ZMYND8: variants seen among roughly 807,000 people sequenced by gnomAD.
ZMYND8 encodes the protein zinc finger MYND-type containing 8.
In ZMYND8, 37 loss-of-function variants were observed where a neutral mutation model predicts 140.8. That is an observed-to-expected ratio of 0.26 (90% CI 0.20 to 0.35). The LOEUF (loss-of-function observed/expected upper bound fraction) is 0.35, where lower values mean the gene tolerates loss of function less well. Among genes scored for constraint, ZMYND8 ranks in the 10% least tolerant of loss-of-function variants. The probability of loss-of-function intolerance (pLI) is 1.00; values close to 1 mark genes in which losing one functional copy is unlikely to be tolerated. For missense variants in ZMYND8, 1,068 were observed against 1,570.0 expected, an observed-to-expected ratio of 0.68 and a Z score of 5.40; for synonymous variants, 592 against 597.1, an observed-to-expected ratio of 0.99 and a Z score of 0.12.
chr20:47,246,633 G>A (rs771490660), intron 13 of ZMYND8, 116 bp from the exon 14 acceptor site: 20 of 1,396,576 alleles, frequency 1.4e-5, no homozygotes, highest in African/African-American at 1.0e-4. Flanking sequence ...GTTTCAAATC[G>A]CATCACATTG....
chr20:47,221,501 C>T, intron 19 of ZMYND8, 27 bp from the exon 20 acceptor site: 1 of 1,610,688 alleles, frequency 6.2e-7, no homozygotes, highest in Non-Finnish European at 8.5e-7. Context: ...GAGAGAGACG[C>T]CACATATACA....
At chr20:47,313,346 G>A (rs1183067189) in intron 2 of ZMYND8, among the ~76,000 whole-genome samples, 2 of 152,152 alleles carry the variant, frequency 1.3e-5, no homozygotes, top group Non-Finnish European at 2.9e-5. Context: ...CTGGAGGCCG[G>A]GCGCAGTGGC....
At chr20:47,248,938 C>T (rs2073947116) in intron 13 of ZMYND8, among the ~76,000 whole-genome samples, 1 of 151,294 alleles carries the variant, frequency 6.6e-6, no homozygotes, top group African/African-American at 2.4e-5. Flanking sequence ...ACCTACAGAA[C>T]ACACTCACTA....
intron 8 of ZMYND8, among the ~76,000 whole-genome samples, chr20:47,284,000 G>A (rs932357645): frequency 6.6e-6 from 1 of 151,806 alleles, no homozygotes; most frequent in Non-Finnish European, 1.5e-5. Flanking sequence ...TGGGCTCATT[G>A]CAACTTTCGC....
Position 47,271,715 on chromosome 20 carries a change from C to T in ZMYND8, c.1480+4599G>A, listed in dbSNP as rs1216321913. On this transcript the variant is annotated intron_variant, in intron 11 of 22. Coordinates refer to ENST00000471951, the MANE Select transcript of ZMYND8 (RefSeq NM_001281775.3). ...TGATCGATTGAGATGGAGTCTCGCTCTGTCTCCCAGGCTGGAGTACAGTGG... is the reference window on the plus strand; with the variant it reads ...TGATCGATTGAGATGGAGTCTCGCTTTGTCTCCCAGGCTGGAGTACAGTGG... 3.3e-5 allele frequency among the ~76,000 whole-genome samples: 5 copies of T among 152,260 alleles called. No individual in the cohort carries two copies. In the South Asian group the frequency reaches 1.0e-3, roughly 31 times the overall value.
chr20:47,285,636 T>G lies in ZMYND8; in HGVS notation c.804+1593A>C, dbSNP rs114177022. 1.2e-4 allele frequency: 116 copies of G among 960,748 alleles called. No individual in the cohort carries two copies. In the African/African-American group the frequency reaches 2.0e-3, roughly 16 times the overall value. 59.5% of individuals were successfully genotyped at this position (960,748 alleles called of 1,614,324 possible). On this transcript the variant is annotated intron_variant, in intron 8 of 22. Transcript: ENST00000471951. ...ATCTGACATGTTCACAGCCTCATAG[T>G]AGTTTTATTCCTAAAAATTAAACTA...
chr20:47,350,342 A>C (rs1453122659), intron 1 of ZMYND8, among the ~76,000 whole-genome samples: 6 of 151,486 alleles, frequency 4.0e-5, no homozygotes, highest in African/African-American at 7.2e-5. Flanking sequence ...AAAAAAAAAA[A>C]AAAAAAAAAA....
intron 16 of ZMYND8, among the ~76,000 whole-genome samples, chr20:47,232,478 G>A (rs2038635022): frequency 6.6e-6 from 1 of 152,080 alleles, no homozygotes; most frequent in Admixed American, 6.5e-5. Flanking sequence ...AGGGTCGCTT[G>A]AACCCAGGAG....
intron 2 of ZMYND8, among the ~76,000 whole-genome samples, chr20:47,325,969 AT>A (rs1207087392): frequency 6.6e-6 from 1 of 150,554 alleles, no homozygotes; most frequent in African/African-American, 2.5e-5. Context: ...TTATCTATTT[AT>A]TTTTTTGAGA....
Position 47,221,382 on chromosome 20 carries a change from G to A in ZMYND8, c.3349C>T (p.Pro1117Ser), listed in dbSNP as rs2036915533. 3 of 1,614,214 alleles carry A rather than the reference G, an allele frequency of 1.9e-6. No homozygotes were observed. The highest frequency in any genetic ancestry group is 1.7e-6 in the Non-Finnish European group (2 of 1,180,042). Residue 1117 changes from proline (P) to serine (S), a missense_variant, in exon 20 of 23, where the codon CCT becomes TCT. Coordinates refer to ENST00000471951, the MANE Select transcript of ZMYND8 (RefSeq NM_001281775.3). ...QGSSSSTQSA[P>S]SETASASKEK... The stretch of plus-strand genomic sequence containing the variant: ...TTGGAGGCGCTGGCCGTTTCTGAAG[G>A]TGCTGATTGTGTGCTCGAGGAGCTC...
chr20:47,327,813 GTTTT>G (rs1315000245), intron 2 of ZMYND8, among the ~76,000 whole-genome samples: 1 of 152,088 alleles, frequency 6.6e-6, no homozygotes, highest in Admixed American at 6.6e-5. Context: ...ATAACTTATT[GTTTT>G]TTTGTTTGTT....
chr20:47,240,477 G>T (rs1331639591), intron 14 of ZMYND8, among the ~76,000 whole-genome samples: 3 of 151,160 alleles, frequency 2.0e-5, no homozygotes, highest in Non-Finnish European at 4.4e-5. Flanking sequence ...CCATGCCATT[G>T]CACTCCAGCC....
intron 11 of ZMYND8, among the ~76,000 whole-genome samples, chr20:47,272,499 C>T (rs982956264): frequency 3.9e-5 from 6 of 152,146 alleles, no homozygotes; most frequent in Admixed American, 6.5e-5. Flanking sequence ...TAACTTACAT[C>T]GAGATCGCGC....
intron 5 of ZMYND8, among the ~76,000 whole-genome samples, chr20:47,292,302 G>A (rs1316408720): frequency 6.6e-6 from 1 of 151,966 alleles, no homozygotes; most frequent in African/African-American, 2.4e-5. Flanking sequence ...AATTCTATGG[G>A]GCTGACAAAT....
At chr20:47,309,823 C>T (rs2078784146) in intron 3 of ZMYND8, among the ~76,000 whole-genome samples, 3 of 150,654 alleles carry the variant, frequency 2.0e-5, no homozygotes, top group Admixed American at 2.0e-4. Flanking sequence ...GAATTATATA[C>T]CCTCATCTCA....
chr20:47,239,713 G>GT (rs2039707533), intron 14 of ZMYND8, among the ~76,000 whole-genome samples: 1 of 152,130 alleles, frequency 6.6e-6, no homozygotes, highest in South Asian at 2.1e-4. Flanking sequence ...TTTGAAGGCG[G>GT]TACTGATAGC....
intron 1 of ZMYND8, 61 bp from the exon 2 acceptor site, chr20:47,347,987 G>T: frequency 1.3e-6 from 2 of 1,508,606 alleles, no homozygotes; most frequent in Non-Finnish European, 1.8e-6. Flanking sequence ...CATGGGGGCA[G>T]CTATTTGGAA....
At position 47,225,521 on chromosome 20, in the gene ZMYND8, C is replaced by A. The variant is rs539882262; in HGVS notation, c.3017-965G>T. ...TGAACCGAGATCATGCCATTGCACT[C>A]CAGCCTGGACAACAAGAGTGAAACT... On this transcript the variant is annotated intron_variant, in intron 18 of 22. Transcript: ENST00000471951. 5.9e-5 allele frequency among the ~76,000 whole-genome samples: 5 copies of A among 84,938 alleles called. No homozygotes were observed. In the South Asian group the frequency reaches 2.1e-3, roughly 35 times the overall value. 55.7% of individuals were successfully genotyped at this position (84,938 alleles called of 152,430 possible). A position where few individuals can be genotyped will look rare whatever the true frequency, so the allele number is the denominator to read the frequency against.
intron 2 of ZMYND8, among the ~76,000 whole-genome samples, chr20:47,333,740 A>AC (rs2081158447): frequency 3.5e-5 from 5 of 144,454 alleles, no homozygotes; most frequent in African/African-American, 1.3e-4. Context: ...AAAAAAAAAA[A>AC]AAAAAAAAAA....
Sources: gnomAD v4.1 joint callset for allele counts (sites outside exome capture counted in the v4.1 genomes callset) on GRCh38, gnomAD v4.1.1 for gene constraint, MANE v1.5 for transcripts, NCBI Gene and HGNC (gene_info 2026-07-23, HGNC 2026-07-21) for gene names.